Variants in LAMA2 observed in about 807,000 individuals in gnomAD.
The protein encoded by LAMA2 is laminin subunit alpha 2.
In LAMA2, 269 loss-of-function variants were observed where a neutral mutation model predicts 364.8. The observed-to-expected ratio is 0.74, with a 90% CI of 0.67 to 0.82. The LOEUF is 0.82. LAMA2 is among the 40% of genes least tolerant of loss of function. The pLI is 0.00. For missense variants in LAMA2, 3,807 were observed against 3,873.2 expected, an observed-to-expected ratio of 0.98 and a Z score of 0.45; for synonymous variants, 1,379 against 1,370.6, an observed-to-expected ratio of 1.01 and a Z score of -0.14.
chr6:129,357,753 C>A lies in LAMA2; in HGVS notation c.4717+4396C>A, dbSNP rs561558018. 9.2e-5 allele frequency among the ~76,000 whole-genome samples: 14 copies of A among 152,070 alleles called. No individual in the cohort carries two copies. In the South Asian group the frequency reaches 2.7e-3, roughly 29 times the overall value. ...AGCCAGTTGCCACCAAAGATCTGAT[C>A]ACAATAATGCAGAGACCTTTATATA... On this transcript the variant is annotated intron_variant, in intron 32 of 64. Coordinates refer to ENST00000421865, the MANE Select transcript of LAMA2 (RefSeq NM_000426.4).
At chr6:129,351,939 T>C (rs540046423) in intron 31 of LAMA2, among the ~76,000 whole-genome samples, 25 of 152,210 alleles carry the variant, frequency 1.6e-4, no homozygotes, top group Non-Finnish European at 3.1e-4. Flanking sequence ...CAGCACAGGG[T>C]GAATTAACTT....
At chr6:129,178,800 A>T (rs1455030604) in intron 10 of LAMA2, among the ~76,000 whole-genome samples, 1 of 152,082 alleles carries the variant, frequency 6.6e-6, no homozygotes, top group Admixed American at 6.6e-5. Context: ...CCATTAAGCC[A>T]TAATATAAGT....
At chr6:129,230,557 G>A (rs574142655) in intron 12 of LAMA2, among the ~76,000 whole-genome samples, 2 of 152,094 alleles carry the variant, frequency 1.3e-5, no homozygotes, top group African/African-American at 2.4e-5. Flanking sequence ...TTGAGTATGA[G>A]AACATGGGAG....
chr6:129,212,382 A>G (rs1381965557), intron 12 of LAMA2, among the ~76,000 whole-genome samples: 1 of 152,146 alleles, frequency 6.6e-6, no homozygotes, highest in Non-Finnish European at 1.5e-5. Flanking sequence ...CCTCCATGCT[A>G]GGGGCAGGAG....
chr6:129,335,989 T>G (rs967366748), intron 29 of LAMA2, among the ~76,000 whole-genome samples: 3 of 152,186 alleles, frequency 2.0e-5, no homozygotes, highest in African/African-American at 7.2e-5. Flanking sequence ...CTTGAGAAAT[T>G]GTGAGAACAT....
chr6:129,326,067 T>G (rs1775260800), intron 28 of LAMA2, among the ~76,000 whole-genome samples: 1 of 152,166 alleles, frequency 6.6e-6, no homozygotes, highest in African/African-American at 2.4e-5. Context: ...CTGGAACTCC[T>G]GACCTCAAGT....
At chr6:128,965,740 A>C (rs1170613126) in intron 1 of LAMA2, among the ~76,000 whole-genome samples, 1 of 151,968 alleles carries the variant, frequency 6.6e-6, no homozygotes. Flanking sequence ...TATTTTCTGG[A>C]GAGTTTTATT....
chr6:129,416,933 A>G (rs1314169641), intron 40 of LAMA2, among the ~76,000 whole-genome samples: 1 of 152,102 alleles, frequency 6.6e-6, no homozygotes, highest in Non-Finnish European at 1.5e-5. Flanking sequence ...ACATACTACA[A>G]TTGGCTTCCA....
chr6:128,965,956 G>T, intron 1 of LAMA2, among the ~76,000 whole-genome samples: 1 of 144,780 alleles, frequency 6.9e-6, no homozygotes, highest in Admixed American at 6.9e-5. Context: ...TTGCTCTTTG[G>T]AATATTAACA....
At chr6:129,408,040 C>T (rs79952744) in intron 40 of LAMA2, among the ~76,000 whole-genome samples, 1 of 152,196 alleles carries the variant, frequency 6.6e-6, no homozygotes, top group Non-Finnish European at 1.5e-5. Flanking sequence ...TGTTGTATCC[C>T]TTGGTGACAG....
chr6:129,121,368 A>T lies in LAMA2; in HGVS notation c.640-22533A>T, dbSNP rs185145482. Among the ~76,000 whole-genome samples the T allele has an allele frequency of 1.2e-4, 19 of 152,306 alleles. 1 individual carries two copies. The East Asian group carries it at 3.7e-3, about 29-fold the overall frequency. Reference sequence around the variant, plus strand: ...TACACTTTCAATTTTTATTACAGACAGACTCTCTTGATGCTGTTGTTTACC... The same window carrying T: ...TACACTTTCAATTTTTATTACAGACTGACTCTCTTGATGCTGTTGTTTACC... On this transcript the variant is annotated intron_variant, in intron 4 of 64. Coordinates refer to ENST00000421865, the MANE Select transcript of LAMA2 (RefSeq NM_000426.4).
At chr6:129,164,203 G>A (rs1779604478) in intron 8 of LAMA2, among the ~76,000 whole-genome samples, 1 of 152,128 alleles carries the variant, frequency 6.6e-6, no homozygotes, top group Non-Finnish European at 1.5e-5. Flanking sequence ...GGGACTAAGT[G>A]ACTAACAGGA....
chr6:129,490,282 A>C (rs1262900276), intron 56 of LAMA2, among the ~76,000 whole-genome samples: 1 of 152,200 alleles, frequency 6.6e-6, no homozygotes, highest in African/African-American at 2.4e-5. Context: ...AATGGACCTG[A>C]GCATGATTAA....
rs1007748295 is a variant in LAMA2, at chr6:129,314,721, C to A, written c.3478C>A (p.Pro1160Thr). The change falls in exon 24 of 65, where the codon CCA (proline) becomes ACA (threonine). Residue 1160 changes from proline (P) to threonine (T), a missense_variant. Around this residue, in one of 3 missense-constraint regions of LAMA2, gnomAD observed 3,333 missense variants for 3,345.7 expected, o/e 1.00. Coordinates refer to ENST00000421865, the MANE Select transcript of LAMA2 (RefSeq NM_000426.4). Reference sequence around the variant, plus strand: ...CAAATTCGGACTCGATGCCAAGAATCCACTTGGCTGCAGCAGCTGCTATTG... The same window carrying A: ...CAAATTCGGACTCGATGCCAAGAATACACTTGGCTGCAGCAGCTGCTATTG... ...PGKFGLDAKN[P>T]LGCSSCYCFG... The A allele has an allele frequency of 1.9e-6, 3 of 1,613,676 alleles. No individual in the cohort carries two copies. The African/African-American group carries it at 4.0e-5, about 22-fold the overall frequency.
At chr6:129,267,507 A>T (rs937823327) in intron 16 of LAMA2, among the ~76,000 whole-genome samples, 7 of 152,134 alleles carry the variant, frequency 4.6e-5, no homozygotes, top group Non-Finnish European at 7.4e-5. Flanking sequence ...ATGAATATAT[A>T]TGGTTTCACT....
In LAMA2 at chr6:129,009,510, A is replaced by G. The variant is rs577441012; in HGVS notation, c.113-40408A>G. On this transcript the variant is annotated intron_variant, in intron 1 of 64. Transcript: ENST00000421865. Reference sequence around the variant, plus strand: ...AAAAATTAAGAAATCATTTTTTGAAAAAGTGTGGAGTCATTAATTAAGTGT... The same window carrying G: ...AAAAATTAAGAAATCATTTTTTGAAGAAGTGTGGAGTCATTAATTAAGTGT... 7.9e-5 allele frequency among the ~76,000 whole-genome samples: 12 copies of G among 152,270 alleles called. No individual in the cohort carries two copies. The South Asian group carries it at 2.5e-3, about 32-fold the overall frequency.
chr6:129,028,692 A>T lies in LAMA2; in HGVS notation c.113-21226A>T, dbSNP rs1276044060. 2.0e-5 allele frequency among the ~76,000 whole-genome samples: 3 copies of T among 151,894 alleles called. No individual in the cohort carries two copies. The South Asian group carries it at 6.2e-4, about 31-fold the overall frequency. ...TGAATCTATATACTGAAAACATTTC[A>T]TTCAATAAGTTGACCTTCTTGAGGT... On this transcript the variant is annotated intron_variant, in intron 1 of 64. Transcript: ENST00000421865.
In LAMA2 at chr6:129,199,406, T is replaced by A. The variant is rs143623690; in HGVS notation, c.1782+6553T>A. 3.1e-3 allele frequency among the ~76,000 whole-genome samples: 472 copies of A among 152,306 alleles called. 1 individual carries two copies. The highest frequency in any genetic ancestry group is 0.011 in the African/African-American group (458 of 41,576). On this transcript the variant is annotated intron_variant, in intron 12 of 64. Transcript: ENST00000421865. ...AGCAAATATCTTATTTAATATAAAA[T>A]GTTCAAAGTATTGTTTAAGATCACA...
chr6:129,209,369 T>C (rs1782931735), intron 12 of LAMA2, among the ~76,000 whole-genome samples: 1 of 151,982 alleles, frequency 6.6e-6, no homozygotes, highest in African/African-American at 2.4e-5. Context: ...ATTTGGAGGG[T>C]GATGGATAGA....
Sources: allele counts gnomAD v4.1 joint callset (sites outside exome capture counted in the v4.1 genomes callset), GRCh38; gene constraint gnomAD v4.1.1; regional missense constraint gnomAD v4.1.1; transcripts MANE v1.5; gene names NCBI Gene and HGNC (gene_info 2026-07-23, HGNC 2026-07-21).